Variants in POGK observed in about 807,000 individuals in gnomAD.
POGK encodes the protein pogo transposable element derived with KRAB domain.
POGK carries 16 observed loss-of-function variants against 54.4 expected under a neutral mutation model. That is an observed-to-expected ratio of 0.29 (90% CI 0.20 to 0.45). The LOEUF is 0.45. Ranked by LOEUF, POGK falls within the 20% of genes least tolerant of loss-of-function variation. POGK has a pLI of 1.00. For synonymous variants in POGK, 271 were observed against 302.2 expected, an observed-to-expected ratio of 0.90 and a Z score of 1.07; for missense variants, 515 against 795.6, an observed-to-expected ratio of 0.65 and a Z score of 4.24.
chr1:166,847,363 C>A (rs934957406), intron 3 of POGK, 131 bp from the exon 4 acceptor site: 5 of 654,040 alleles, frequency 7.6e-6, no homozygotes, highest in African/African-American at 5.5e-5. Flanking sequence ...CTTTAAGTAT[C>A]CCTGAGCCTT....
rs1245402309 is a variant in POGK, at chr1:166,855,580, A to C, written c.*3010A>C. ...TGATTTCATAGGAAAATTGGCATGGAGAGCAGATAGTAGAGTGTAGACCTG... is the reference window on the plus strand; with the variant it reads ...TGATTTCATAGGAAAATTGGCATGGCGAGCAGATAGTAGAGTGTAGACCTG... On this transcript the variant is annotated 3_prime_UTR_variant, in exon 6 of 6. Coordinates refer to ENST00000367876, the MANE Select transcript of POGK (RefSeq NM_017542.5). 1 of 152,266 alleles carries C rather than the reference A, an allele frequency of 6.6e-6. No homozygotes were observed. The highest frequency in any genetic ancestry group is 1.5e-5 in the Non-Finnish European group (1 of 68,096). The allele number at this position is 152,266 out of a possible 1,614,324, so 9.4% of individuals were successfully genotyped here.
chr1:166,850,367 AC>A lies in POGK; in HGVS notation c.1790del (p.Pro597GlnfsTer25), dbSNP rs1447116472. Reference sequence around the variant, plus strand: ...GTGAGTTGCCAGGAGGAGGAGAACCACCAAAAGATTGTGACACCGAAAGCAT... The same window carrying A: ...GTGAGTTGCCAGGAGGAGGAGAACCACAAAAGATTGTGACACCGAAAGCAT... ...ESELPGGGEPPKDCDTESMAE... is the reference protein window; with the variant it reads ...ESELPGGGEPXKDCDTESMAE... On this transcript the variant is annotated frameshift_variant, in exon 5 of 6. Coordinates refer to ENST00000367876, the MANE Select transcript of POGK (RefSeq NM_017542.5). LOFTEE classifies it high-confidence loss of function. 1.2e-6 allele frequency: 2 copies of A among 1,613,088 alleles called. No individual in the cohort carries two copies. The highest frequency in any genetic ancestry group is 3.3e-5 in the Admixed American group (2 of 59,944).
chr1:166,843,146 A>G (rs1403872465), intron 2 of POGK, among the ~76,000 whole-genome samples: 1 of 152,148 alleles, frequency 6.6e-6, no homozygotes, highest in Non-Finnish European at 1.5e-5. Context: ...AAGGGAAGGG[A>G]AGGGGGTTGC....
chr1:166,840,727 T>C (rs1657465936), intron 1 of POGK, among the ~76,000 whole-genome samples: 1 of 152,238 alleles, frequency 6.6e-6, no homozygotes, highest in Non-Finnish European at 1.5e-5. Flanking sequence ...CAGATAGCTT[T>C]TTAAATATTT....
chr1:166,843,307 G>C (rs1657614295), intron 2 of POGK, among the ~76,000 whole-genome samples: 1 of 152,210 alleles, frequency 6.6e-6, no homozygotes, highest in African/African-American at 2.4e-5. Context: ...GCCAGAGCCA[G>C]CCAGGAGGAC....
intron 2 of POGK, among the ~76,000 whole-genome samples, chr1:166,843,690 G>C (rs1281227507): frequency 6.6e-6 from 1 of 152,162 alleles, no homozygotes; most frequent in African/African-American, 2.4e-5. Context: ...CGTCTTTGCT[G>C]GGTGGCTGCA....
chr1:166,853,791 T>C lies in POGK; in HGVS notation c.*1221T>C, dbSNP rs1285703165. ...CTGTATATTTAAACTGTTCTTGGCA[T>C]CTTGAAACACCTATTTCTACTCAGG... is the stretch of plus-strand genomic sequence containing the variant. On this transcript the variant is annotated 3_prime_UTR_variant, in exon 6 of 6. Coordinates refer to ENST00000367876, the MANE Select transcript of POGK (RefSeq NM_017542.5). 1 of 152,492 alleles carries C rather than the reference T, an allele frequency of 6.6e-6. No homozygotes were observed. The highest frequency in any genetic ancestry group is 2.4e-5 in the African/African-American group (1 of 41,456). The allele number at this position is 152,492 out of a possible 1,614,324, so 9.4% of individuals were successfully genotyped here. A position where few individuals can be genotyped will look rare whatever the true frequency, so the allele number is the denominator to read the frequency against.
intron 1 of POGK, 113 bp from the exon 2 acceptor site, chr1:166,840,842 G>A: frequency 1.5e-6 from 2 of 1,340,980 alleles, no homozygotes; most frequent in Non-Finnish European, 2.0e-6. Context: ...TCCCTCCAGC[G>A]GGAACAGTGC....
intron 5 of POGK, chr1:166,851,655 G>A (rs1188028790): frequency 3.3e-5 from 5 of 152,140 alleles, no homozygotes; most frequent in Non-Finnish European, 7.3e-5. Flanking sequence ...ATGTACAGCA[G>A]GGGGGACACC....
In POGK at chr1:166,850,436, G is replaced by T. The variant is rs760190688; in HGVS notation, c.*14+13G>T. The T allele has an allele frequency of 4.2e-5, 66 of 1,569,870 alleles. No homozygotes were observed. The highest frequency in any genetic ancestry group is 5.4e-5 in the Non-Finnish European group (63 of 1,164,666). The stretch of plus-strand genomic sequence containing the variant: ...GGGAAAGGGAAAGGTAACCACTCAG[G>T]AGTAGATACTCAGTGCCTTTGCTGA... On this transcript the variant is annotated intron_variant, in intron 5 of 5. Transcript: ENST00000367876.
At chr1:166,844,505 C>T (rs568596810) in intron 2 of POGK, among the ~76,000 whole-genome samples, 1 of 152,246 alleles carries the variant, frequency 6.6e-6, no homozygotes, top group East Asian at 1.9e-4. Flanking sequence ...ATTTTACCTC[C>T]TCATATTTCA....
chr1:166,849,754 G>T lies in POGK; in HGVS notation c.1175G>T (p.Gly392Val). The change falls in exon 5 of 6, where the codon GGC (glycine) becomes GTC (valine). Residue 392 changes from glycine to valine, a missense_variant. By Grantham distance (109) the Gly-to-Val change is moderately radical. Transcript: ENST00000367876. Reference protein sequence around the residue: ...GEKPVLVKTPGREKLKITAML... With the variant: ...GEKPVLVKTPVREKLKITAML... ...AAGCCTGTCTTGGTCAAGACACCAG[G>T]CAGGGAAAAACTGAAAATCACAGCA... 1 of 1,614,280 alleles carries T rather than the reference G, an allele frequency of 6.2e-7. No individual in the cohort carries two copies. Among genetic ancestry groups the T allele is most frequent in the African/African-American group, 1.3e-5 (1 of 75,078 alleles).
At chr1:166,845,393 C>T (rs922628926) in intron 2 of POGK, among the ~76,000 whole-genome samples, 84 of 151,940 alleles carry the variant, frequency 5.5e-4, no homozygotes, top group African/African-American at 1.6e-3. Context: ...ATCTACTCCT[C>T]CACAGGCCCA....
At position 166,849,044 on chromosome 1, in the gene POGK, T is replaced by C; in HGVS notation, c.465T>C (p.Pro155=). 1.2e-6 allele frequency: 2 copies of C among 1,614,182 alleles called. No homozygotes were observed. The highest frequency in any genetic ancestry group is 1.7e-6 in the Non-Finnish European group (2 of 1,180,026). The change falls in exon 5 of 6, where the codon CCT becomes CCC. Residue 155 remains proline (P), a synonymous_variant. Coordinates refer to ENST00000367876, the MANE Select transcript of POGK (RefSeq NM_017542.5). ...QHFDSFGLRL[P]RDITELPEWS... ...TTGACAGCTTTGGCCTCCGTCTGCCTCGGGATATCACAGAGCTGCCCGAGT... is the reference window on the plus strand; with the variant it reads ...TTGACAGCTTTGGCCTCCGTCTGCCCCGGGATATCACAGAGCTGCCCGAGT...
At chr1:166,841,344 C>T (rs1398841761) in intron 2 of POGK, among the ~76,000 whole-genome samples, 1 of 152,246 alleles carries the variant, frequency 6.6e-6, no homozygotes, top group African/African-American at 2.4e-5. Context: ...TTGTCTCTCT[C>T]GTTCACCCAC....
At position 166,849,444 on chromosome 1, in the gene POGK, G is replaced by A; in HGVS notation, c.865G>A (p.Ala289Thr). ...PITREAMQLK[A>T]LEIAQEMNIP... ...CACCCGGGAGGCGATGCAGCTGAAA[G>A]CTCTCGAAATCGCCCAGGAAATGAA... The change falls in exon 5 of 6, where the codon GCT (alanine) becomes ACT (threonine). Residue 289 changes from alanine (A) to threonine (T), a missense_variant. Physicochemically the swap from Ala to Thr is moderately conservative, Grantham distance 58. Coordinates refer to ENST00000367876, the MANE Select transcript of POGK (RefSeq NM_017542.5). 1 of 1,614,242 alleles carries A rather than the reference G, an allele frequency of 6.2e-7. No homozygotes were observed. Among genetic ancestry groups the A allele is most frequent in the Non-Finnish European group, 8.5e-7 (1 of 1,180,044 alleles).
rs536361626 is a variant in POGK, at chr1:166,849,368, C to T, written c.789C>T (p.Asp263=). 20 of 1,614,160 alleles carry T rather than the reference C, an allele frequency of 1.2e-5. No individual in the cohort carries two copies. In the East Asian group the frequency reaches 1.3e-4, roughly 11 times the overall value. The change falls in exon 5 of 6, where the codon GAC becomes GAT. Residue 263 remains aspartate (D), a synonymous_variant. Transcript: ENST00000367876. ...AGAATGGGAGGTTTGCTCTGGTGGA[C>T]CAGCGTGTGGCCGAATATGTCAGAT... ...GPKNGRFALV[D]QRVAEYVRYM...
In POGK at chr1:166,850,163, T is replaced by C; in HGVS notation, c.1584T>C (p.Ala528=). The change falls in exon 5 of 6, where the codon GCT becomes GCC. Residue 528 remains alanine, a synonymous_variant. Coordinates refer to ENST00000367876, the MANE Select transcript of POGK (RefSeq NM_017542.5). Reference sequence around the variant, plus strand: ...CCCAGTACTCCAACTGGCTTCTGGCTGGGAACCTGGCGCTGAGCCCAACCG... The same window carrying C: ...CCCAGTACTCCAACTGGCTTCTGGCCGGGAACCTGGCGCTGAGCCCAACCG... ...VRAQYSNWLL[A]GNLALSPTGN... 1 of 1,563,930 alleles carries C rather than the reference T, an allele frequency of 6.4e-7. No homozygotes were observed. The highest frequency in any genetic ancestry group is 1.2e-5 in the South Asian group (1 of 85,568).
In POGK at chr1:166,840,809, T is replaced by G. The variant is rs1311992271; in HGVS notation, c.-2-146T>G. On this transcript the variant is annotated intron_variant, in intron 1 of 5. Coordinates refer to ENST00000367876, the MANE Select transcript of POGK (RefSeq NM_017542.5). ...TTAAACATGTCACCCTGTAGCTTCC[T>G]GGCCGACTCTTGTTTCCTTACTTCC... 5 of 981,578 alleles carry G rather than the reference T, an allele frequency of 5.1e-6. No homozygotes were observed. The African/African-American group carries it at 8.1e-5, about 16-fold the overall frequency. The allele number at this position is 981,578 out of a possible 1,614,324, so 60.8% of individuals were successfully genotyped here.
Sources: gnomAD v4.1 joint callset for allele counts (sites outside exome capture counted in the v4.1 genomes callset) on GRCh38, gnomAD v4.1.1 for gene constraint, MANE v1.5 for transcripts, NCBI Gene and HGNC (gene_info 2026-07-23, HGNC 2026-07-21) for gene names.